The following SPIRE1 variants were observed in gnomAD, a reference collection of about 807,000 sequenced individuals.
SPIRE1 encodes the protein spire type actin nucleation factor 1, also known as protein spire homolog 1.
A neutral mutation model predicts 94.1 loss-of-function variants in SPIRE1; 40 were observed. The ratio of observed to expected loss-of-function variants is 0.43; its 90% CI spans 0.33 to 0.55. The LOEUF is 0.55. SPIRE1 is among the 20% of genes least tolerant of loss of function. SPIRE1 has a pLI of 0.06. For synonymous variants in SPIRE1, 376 were observed against 371.7 expected (o/e 1.01, Z -0.13); for missense variants, 838 against 975.2 (o/e 0.86, Z 1.87).
chr18:12,615,345 A>AAAAAAAAAATATAT lies in SPIRE1; in HGVS notation c.372+19716_372+19717insATATATTTTTTTTT. ...TCTGTCTCAAAAAAAAAAAAAAAAA[A>AAAAAAAAAATATAT]ATATATATATATATATATATATATA... On this transcript the variant is annotated intron_variant, in intron 2 of 16. Coordinates refer to ENST00000409402, the MANE Select transcript of SPIRE1 (RefSeq NM_001128626.2). 7.5e-4 allele frequency among the ~76,000 whole-genome samples: 13 copies of AAAAAAAAAATATAT among 17,238 alleles called. 2 individuals carry two copies. The highest frequency in any genetic ancestry group is 1.7e-3 in the Non-Finnish European group (9 of 5,400). 11.3% of individuals were successfully genotyped at this position (17,238 alleles called of 152,430 possible).
intron 2 of SPIRE1, among the ~76,000 whole-genome samples, chr18:12,614,742 C>T (rs966332552): frequency 5.3e-5 from 8 of 151,954 alleles, no homozygotes; most frequent in African/African-American, 1.7e-4. Flanking sequence ...CACTTGAACC[C>T]GGGAGGCAGA....
intron 2 of SPIRE1, among the ~76,000 whole-genome samples, chr18:12,615,327 C>CAAAAAAAAAA (rs1234229698): frequency 0.01 from 22 of 2,184 alleles, 6 homozygotes; most frequent in African/African-American, 0.027. Flanking sequence ...AACTCTGTCT[C>CAAAAAAAAAA]AAAAAAAAAA....
chr18:12,557,831 A>G lies in SPIRE1; in HGVS notation c.373-10927T>C, dbSNP rs570949817. Among the ~76,000 whole-genome samples, 18 of 152,158 alleles carry G rather than the reference A, an allele frequency of 1.2e-4. 1 individual carries two copies. The highest frequency in any genetic ancestry group is 2.2e-4 in the Non-Finnish European group (15 of 68,024). The stretch of plus-strand genomic sequence containing the variant: ...GGCATAAAAACAGATACACAGACCA[A>G]TGGAACAGAATAGAGCCCTCAGAAA... On this transcript the variant is annotated intron_variant, in intron 2 of 16. Transcript: ENST00000409402.
intron 2 of SPIRE1, among the ~76,000 whole-genome samples, chr18:12,603,505 A>T (rs1179959374): frequency 1.3e-5 from 2 of 151,590 alleles, no homozygotes; most frequent in African/African-American, 2.4e-5. Flanking sequence ...TGATTAGAGG[A>T]CTGGGACTTT....
At chr18:12,461,468 A>ACG (rs2031821039) in intron 12 of SPIRE1, among the ~76,000 whole-genome samples, 1 of 151,200 alleles carries the variant, frequency 6.6e-6, no homozygotes, top group Admixed American at 6.6e-5. Flanking sequence ...GTATGTACAT[A>ACG]TGTACGTACA....
At chr18:12,660,320 A>ATTTTTTTT (rs11433721), upstream of SPIRE1, among the ~76,000 whole-genome samples, 1 of 142,096 alleles carries the variant, frequency 7.0e-6, no homozygotes, top group Non-Finnish European at 1.5e-5. Flanking sequence ...AAAAAGATGC[A>ATTTTTTTT]TTTTTTTTTT....
rs1383766508 is a variant in SPIRE1, at chr18:12,549,200, AAC to A, written c.373-2298_373-2297del. On this transcript the variant is annotated intron_variant, in intron 2 of 16. Coordinates refer to ENST00000409402, the MANE Select transcript of SPIRE1 (RefSeq NM_001128626.2). The stretch of plus-strand genomic sequence containing the variant: ...CATTAGAAAAAAACTTGTTAAACTG[AAC>A]CTAGGGCAGTCACTTTAACTATCAG... Among the ~76,000 whole-genome samples the A allele has an allele frequency of 2.6e-3, 393 of 152,290 alleles. 1 individual carries two copies. The highest frequency in any genetic ancestry group is 9.1e-3 in the African/African-American group (377 of 41,558).
chr18:12,612,109 C>A (rs2037160089), intron 2 of SPIRE1, among the ~76,000 whole-genome samples: 1 of 152,120 alleles, frequency 6.6e-6, no homozygotes, highest in Non-Finnish European at 1.5e-5. Flanking sequence ...GCCTTTTGCC[C>A]TCACGCTACC....
chr18:12,657,466 G>A (rs1255240142), intron 1 of SPIRE1, 64 bp downstream of exon 1: 11 of 1,179,472 alleles, frequency 9.3e-6, no homozygotes, highest in South Asian at 8.4e-5. Flanking sequence ...GGGACGCTGA[G>A]GGTAAGGCGG....
chr18:12,475,303 C>CTCTGGACT (rs1435509750), intron 10 of SPIRE1, among the ~76,000 whole-genome samples: 3 of 152,212 alleles, frequency 2.0e-5, no homozygotes, highest in Non-Finnish European at 4.4e-5. Context: ...CCTCTGCCGT[C>CTCTGGACT]TCTGGACTTC....
intron 1 of SPIRE1, among the ~76,000 whole-genome samples, chr18:12,653,903 G>A (rs553761537): frequency 7.3e-5 from 11 of 150,406 alleles, no homozygotes; most frequent in African/African-American, 1.5e-4. Context: ...CCAAGATTGC[G>A]CCATTGCACT....
chr18:12,472,275 T>C lies in SPIRE1; in HGVS notation c.1405-7317A>G, dbSNP rs2032391594. ...CAAGACCCCTGTCTCTATAAAAAAA[T>C]AAAAACAAACAACTAAAAACCCCAG... On this transcript the variant is annotated intron_variant, in intron 10 of 16. Transcript: ENST00000409402. Among the ~76,000 whole-genome samples the C allele has an allele frequency of 2.7e-5, 4 of 149,666 alleles. No homozygotes were observed. The South Asian group carries it at 8.5e-4, about 32-fold the overall frequency.
chr18:12,594,739 T>C (rs530318544), intron 2 of SPIRE1, among the ~76,000 whole-genome samples: 6 of 152,348 alleles, frequency 3.9e-5, no homozygotes, highest in African/African-American at 1.2e-4. Context: ...GGTCCACTTA[T>C]ACACGTATTT....
intron 6 of SPIRE1, among the ~76,000 whole-genome samples, chr18:12,499,247 T>C (rs1262314381): frequency 1.3e-5 from 2 of 149,940 alleles, no homozygotes; most frequent in Non-Finnish European, 2.9e-5. Context: ...CCAATATCAA[T>C]TGGTGAAGAG....
At chr18:12,462,187 G>C (rs2031892125) in intron 12 of SPIRE1, among the ~76,000 whole-genome samples, 1 of 152,152 alleles carries the variant, frequency 6.6e-6, no homozygotes, top group South Asian at 2.1e-4. Context: ...TTTTGGCATA[G>C]AGATGAATGA....
intron 10 of SPIRE1, among the ~76,000 whole-genome samples, chr18:12,476,563 A>AAC (rs2032596284): frequency 1.5e-5 from 1 of 64,716 alleles, no homozygotes; most frequent in African/African-American, 9.4e-5. Context: ...AAAAAAAAAA[A>AAC]AATATATATA....
chr18:12,603,088 A>G (rs570890365), intron 2 of SPIRE1, among the ~76,000 whole-genome samples: 35 of 152,354 alleles, frequency 2.3e-4, no homozygotes, highest in Middle Eastern at 3.4e-3. Context: ...AAACAGGTTC[A>G]TAACACTTAA....
At chr18:12,507,557 G>C (rs2033877282) in intron 5 of SPIRE1, among the ~76,000 whole-genome samples, 2 of 151,966 alleles carry the variant, frequency 1.3e-5, no homozygotes, top group Admixed American at 1.3e-4. Flanking sequence ...AAATTAGCTG[G>C]GTGTGGTGGT....
rs2037325407 is a variant in SPIRE1 at position 12,616,939 on chromosome 18, A to G, written c.372+18123T>C. Among the ~76,000 whole-genome samples, 3 of 151,742 alleles carry G rather than the reference A, an allele frequency of 2.0e-5. No homozygotes were observed. The South Asian group carries it at 6.3e-4, about 32-fold the overall frequency. ...CAGTGGTGCAATCTCGGCTCACTGC[A>G]GTCTCCACCCCCGGGGTTCAAGCGA... On this transcript the variant is annotated intron_variant, in intron 2 of 16. Coordinates refer to ENST00000409402, the MANE Select transcript of SPIRE1 (RefSeq NM_001128626.2).
Sources: gnomAD v4.1 joint callset for allele counts (sites outside exome capture counted in the v4.1 genomes callset) on GRCh38, gnomAD v4.1.1 for gene constraint, MANE v1.5 for transcripts, NCBI Gene and HGNC (gene_info 2026-07-23, HGNC 2026-07-21) for gene names.